GDPGP1: variants seen among roughly 807,000 people sequenced by gnomAD.
The protein encoded by GDPGP1 is GDP-D-glucose phosphorylase 1.
A neutral mutation model predicts 19.2 loss-of-function variants in GDPGP1; 18 were observed. The observed-to-expected ratio is 0.94, with a 90% CI of 0.65 to 1.39. The LOEUF (loss-of-function observed/expected upper bound fraction) is 1.39, where lower values mean the gene tolerates loss of function less well. GDPGP1 is among the 40% of genes most tolerant of loss of function. The pLI is 0.00. For missense variants in GDPGP1, 449 were observed against 490.5 expected, an observed-to-expected ratio of 0.92 and a Z score of 0.80; for synonymous variants, 219 against 208.9, an observed-to-expected ratio of 1.05 and a Z score of -0.42.
Position 90,243,007 on chromosome 15 carries a change from G to GTTC in GDPGP1, c.*944_*946dup, listed in dbSNP as rs35161309. 80,896 of 151,614 alleles carry GTTC rather than the reference G, an allele frequency of 0.53. 23,305 individuals are homozygous for GTTC. Among genetic ancestry groups the GTTC allele is most frequent in the African/African-American group, 0.75 (30,745 of 41,268 alleles). The allele number at this position is 151,614 out of a possible 1,614,324, so 9.4% of individuals were successfully genotyped here. Reference sequence around the variant, plus strand: ...ATGAATGTATCTGCTACCTCTCCCCGTTCTTGTTCAAGCCCCAGGGGTGTT... The same window carrying GTTC: ...ATGAATGTATCTGCTACCTCTCCCCGTTCTTCTTGTTCAAGCCCCAGGGGTGTT... On this transcript the variant is annotated 3_prime_UTR_variant, in exon 4 of 4. Coordinates refer to ENST00000329600, the MANE Select transcript of GDPGP1 (RefSeq NM_001013657.3).
Position 90,244,386 on chromosome 15 carries a change from C to T in GDPGP1, c.*2320C>T, listed in dbSNP as rs1962825139. The stretch of plus-strand genomic sequence containing the variant: ...CAATGTGGGAAATTTTTTTTTATCT[C>T]ATTGCTTTGTTCTGTCCTGTTTCTC... On this transcript the variant is annotated 3_prime_UTR_variant, in exon 4 of 4. Transcript: ENST00000329600. 2 of 152,126 alleles carry T rather than the reference C, an allele frequency of 1.3e-5. No individual in the cohort carries two copies. Among genetic ancestry groups the T allele is most frequent in the African/African-American group, 4.8e-5 (2 of 41,414 alleles). 9.4% of individuals were successfully genotyped at this position (152,126 alleles called of 1,614,324 possible). A position where few individuals can be genotyped will look rare whatever the true frequency, so the allele number is the denominator to read the frequency against.
chr15:90,239,305 A>ATGTGTGTGTGTGTGTGTG lies in GDPGP1; in HGVS notation c.-10+775_-10+792dup, dbSNP rs4031525. 1.0e-3 allele frequency among the ~76,000 whole-genome samples: 153 copies of ATGTGTGTGTGTGTGTGTG among 147,972 alleles called. 1 individual carries two copies. The highest frequency in any genetic ancestry group is 2.3e-3 in the African/African-American group (91 of 40,152). ...ATAGTTGATCTATATGAGACATAAAATGTGTGTGTGTGTGTGTGTGTGTGT... is the reference window on the plus strand; with the variant it reads ...ATAGTTGATCTATATGAGACATAAAATGTGTGTGTGTGTGTGTGTGTGTGTGTGTGTGTGTGTGTGTGT... On this transcript the variant is annotated intron_variant, in intron 3 of 3. Transcript: ENST00000329600.
At chr15:90,237,760 C>T (rs146882643) in intron 2 of GDPGP1, among the ~76,000 whole-genome samples, 2,024 of 150,226 alleles carry the variant, frequency 0.013, 10 homozygotes, top group Non-Finnish European at 0.022. Flanking sequence ...TAAATTTTTT[C>T]GCCTGTCAGA....
chr15:90,242,061 C>T lies in GDPGP1; in HGVS notation c.1153C>T (p.Gln385Ter). Residue 385 changes from glutamine (Q) to a stop codon, truncating the protein, a stop_gained, in exon 4 of 4, where the codon CAA becomes TAA. Transcript: ENST00000329600. LOFTEE classifies it high-confidence loss of function. ...ALVALMSQEE[Q>*] ...GGTGGCCCTGATGTCCCAGGAAGAG[C>T]AATAATACTTCTGGATGTATTTATG... The T allele has an allele frequency of 6.3e-7, 1 of 1,598,324 alleles. No homozygotes were observed. Among genetic ancestry groups the T allele is most frequent in the Middle Eastern group, 1.7e-4 (1 of 5,974 alleles).
In GDPGP1 at chr15:90,241,221, C is replaced by A. The variant is rs1222448471; in HGVS notation, c.313C>A (p.Gln105Lys). 2 of 1,614,128 alleles carry A rather than the reference C, an allele frequency of 1.2e-6. No individual in the cohort carries two copies. The highest frequency in any genetic ancestry group is 1.7e-6 in the Non-Finnish European group (2 of 1,180,024). Residue 105 changes from glutamine (Q) to lysine (K), a missense_variant, in exon 4 of 4, where the codon CAG becomes AAG. Physicochemically the swap from Gln to Lys is moderately conservative, Grantham distance 53 (BLOSUM62 1). Transcript: ENST00000329600. ...VAQLNVERGV[Q>K]RRPPQTIKSV... is the part of the protein sequence containing the mutation. ...TCAGCTGAATGTGGAGCGTGGTGTG[C>A]AGAGGAGGCCCCCGCAGACCATCAA...
chr15:90,241,969 C>G lies in GDPGP1; in HGVS notation c.1061C>G (p.Ala354Gly), dbSNP rs745994459. 5 of 1,614,090 alleles carry G rather than the reference C, an allele frequency of 3.1e-6. No individual in the cohort carries two copies. In the East Asian group the frequency reaches 1.1e-4, roughly 36 times the overall value. The change falls in exon 4 of 4, where the codon GCT (alanine) becomes GGT (glycine). Residue 354 changes from alanine (A) to glycine (G), a missense_variant. Physicochemically the swap from Ala to Gly is moderately conservative, Grantham distance 60. Coordinates refer to ENST00000329600, the MANE Select transcript of GDPGP1 (RefSeq NM_001013657.3). The stretch of plus-strand genomic sequence containing the variant: ...GACTTCAGCAGCCTGACAGAGGCAG[C>G]TGCTGTGGCCCTCATTCAGGACTGT... Reference protein sequence around the residue: ...SQDFSSLTEAAAVALIQDCRL... With the variant: ...SQDFSSLTEAGAVALIQDCRL...
rs1465277548 is a variant in GDPGP1 at position 90,241,093 on chromosome 15, C to T, written c.185C>T (p.Ala62Val). ...CTGCCACAATCTCCCTTTGATGCTG[C>T]ACTCTGCTCTGCCTGGAAGCAGCGG... ...DALPQSPFDA[A>V]LCSAWKQRVE... Residue 62 changes from alanine (A) to valine (V), a missense_variant, in exon 4 of 4, where the codon GCA (alanine) becomes GTA (valine). Coordinates refer to ENST00000329600, the MANE Select transcript of GDPGP1 (RefSeq NM_001013657.3). 3 of 1,614,044 alleles carry T rather than the reference C, an allele frequency of 1.9e-6. No individual in the cohort carries two copies. In the African/African-American group the frequency reaches 4.0e-5, roughly 22 times the overall value.
chr15:90,236,871 G>A (rs565062030), intron 2 of GDPGP1, among the ~76,000 whole-genome samples: 11 of 152,152 alleles, frequency 7.2e-5, no homozygotes, highest in African/African-American at 9.6e-5. Context: ...GGTAGTCCTC[G>A]GTGAATCTGG....
rs1962816585 is a variant in GDPGP1 at position 90,243,843 on chromosome 15, A to G, written c.*1777A>G. The G allele has an allele frequency of 1.4e-5, 2 of 144,730 alleles. No homozygotes were observed. The highest frequency in any genetic ancestry group is 6.9e-5 in the Admixed American group (1 of 14,414). 9.0% of individuals were successfully genotyped at this position (144,730 alleles called of 1,614,324 possible). ...TTTTTGGAGAGATAGCATCTTGCCA[A>G]GTTGCCCAGGCTGGTCTCGAACTCC... On this transcript the variant is annotated 3_prime_UTR_variant, in exon 4 of 4. Coordinates refer to ENST00000329600, the MANE Select transcript of GDPGP1 (RefSeq NM_001013657.3).
chr15:90,237,220 G>A (rs147585245), intron 2 of GDPGP1, among the ~76,000 whole-genome samples: 3,621 of 151,044 alleles, frequency 0.024, 138 homozygotes, highest in African/African-American at 0.08. Flanking sequence ...TGGCCCCCCA[G>A]AGTGCTGGGA....
rs143274252 is a variant in GDPGP1 at position 90,240,663 on chromosome 15, A to G, written c.-9-237A>G. Among the ~76,000 whole-genome samples the G allele has an allele frequency of 6.1e-3, 921 of 151,604 alleles. 7 individuals are homozygous for G. The highest frequency in any genetic ancestry group is 0.021 in the African/African-American group (876 of 41,306). On this transcript the variant is annotated intron_variant, in intron 3 of 3. Transcript: ENST00000329600. ...CACCATCTCTACTAAAAATACAAAA[A>G]TTACCCGGGCATGGTGGTGCCTGCC...
At chr15:90,235,814 C>G (rs996306052) in intron 2 of GDPGP1, among the ~76,000 whole-genome samples, 2 of 152,026 alleles carry the variant, frequency 1.3e-5, no homozygotes, top group Admixed American at 6.6e-5. Context: ...GTGATTCGCC[C>G]ACCTCGGCCT....
rs149356850 is a variant in GDPGP1 at position 90,238,200 on chromosome 15, T to C, written c.-66-292T>C. 7.9e-3 allele frequency among the ~76,000 whole-genome samples: 1,201 copies of C among 152,290 alleles called. 21 individuals are homozygous for C. The highest frequency in any genetic ancestry group is 0.027 in the African/African-American group (1,108 of 41,550). On this transcript the variant is annotated intron_variant, in intron 2 of 3. Transcript: ENST00000329600. ...CTGTAGTCCCAGCTACTCAGGAGGC[T>C]GAGGCATGAAAATCACTTGAACCTG...
rs568703790 is a variant in GDPGP1 at position 90,243,993 on chromosome 15, G to C, written c.*1927G>C. 6.6e-6 allele frequency: 1 copy of C among 152,028 alleles called. No homozygotes were observed. The highest frequency in any genetic ancestry group is 1.5e-5 in the Non-Finnish European group (1 of 68,098). 9.4% of individuals were successfully genotyped at this position (152,028 alleles called of 1,614,324 possible). A position where few individuals can be genotyped will look rare whatever the true frequency, so the allele number is the denominator to read the frequency against. On this transcript the variant is annotated 3_prime_UTR_variant, in exon 4 of 4. Coordinates refer to ENST00000329600, the MANE Select transcript of GDPGP1 (RefSeq NM_001013657.3). ...GAGTTTCACTCTGTTGCCCAGGCTGGAGTGCAGTGGTGTGATCTCGGCTCA... is the reference window on the plus strand; with the variant it reads ...GAGTTTCACTCTGTTGCCCAGGCTGCAGTGCAGTGGTGTGATCTCGGCTCA...
intron 2 of GDPGP1, among the ~76,000 whole-genome samples, chr15:90,237,786 T>G (rs1255543960): frequency 6.6e-6 from 1 of 152,164 alleles, no homozygotes; most frequent in East Asian, 1.9e-4. Context: ...TTCTCTTTTA[T>G]TAGAATAAGA....
intron 3 of GDPGP1, among the ~76,000 whole-genome samples, chr15:90,240,287 C>T (rs1962724150): frequency 6.6e-6 from 1 of 151,948 alleles, no homozygotes; most frequent in South Asian, 2.1e-4. Flanking sequence ...AGGGGAGGGT[C>T]ACCGGAGGTC....
At chr15:90,239,787 T>C (rs1567072140) in intron 3 of GDPGP1, among the ~76,000 whole-genome samples, 1 of 152,198 alleles carries the variant, frequency 6.6e-6, no homozygotes, top group Non-Finnish European at 1.5e-5. Context: ...CGGCAGTGCC[T>C]GGTGGCACAT....
rs910131919 is a variant in GDPGP1 at position 90,244,765 on chromosome 15, G to A, written c.*2699G>A. 1 of 152,336 alleles carries A rather than the reference G, an allele frequency of 6.6e-6. No individual in the cohort carries two copies. The highest frequency in any genetic ancestry group is 2.4e-5 in the African/African-American group (1 of 41,450). 9.4% of individuals were successfully genotyped at this position (152,336 alleles called of 1,614,324 possible). A position where few individuals can be genotyped will look rare whatever the true frequency, so the allele number is the denominator to read the frequency against. ...ACCCAGGAGGCGGAGGTTGCAGTGA[G>A]CTGAGATTGCACGACTGTACTCCAG... On this transcript the variant is annotated 3_prime_UTR_variant, in exon 4 of 4. Coordinates refer to ENST00000329600, the MANE Select transcript of GDPGP1 (RefSeq NM_001013657.3).
intron 2 of GDPGP1, among the ~76,000 whole-genome samples, chr15:90,237,831 G>T (rs1962668315): frequency 6.6e-6 from 1 of 152,012 alleles, no homozygotes; most frequent in African/African-American, 2.4e-5. Context: ...AAGTGCCTGT[G>T]GTCCCAGCTA....
Sources: gnomAD v4.1 joint callset for allele counts (sites outside exome capture counted in the v4.1 genomes callset) on GRCh38, gnomAD v4.1.1 for gene constraint, MANE v1.5 for transcripts, NCBI Gene and HGNC (gene_info 2026-07-23, HGNC 2026-07-21) for gene names.